The following TTC28 variants were observed in gnomAD, a reference collection of about 807,000 sequenced individuals.
TTC28 encodes tetratricopeptide repeat domain 28, also known as tetratricopeptide repeat protein 28.
TTC28 carries 61 observed loss-of-function variants against 198.0 expected under a neutral mutation model. The observed-to-expected ratio is 0.31, with a 90% CI of 0.25 to 0.38. The LOEUF (loss-of-function observed/expected upper bound fraction) is 0.38, where lower values mean the gene tolerates loss of function less well. Ranked by LOEUF, TTC28 falls within the 10% of genes least tolerant of loss-of-function variation. TTC28 has a pLI of 1.00. For missense variants in TTC28, 2,678 were observed against 3,164.0 expected (o/e 0.85, Z 3.69); for synonymous variants, 1,171 against 1,297.8 (o/e 0.90, Z 2.10).
intron 5 of TTC28, among the ~76,000 whole-genome samples, chr22:28,219,307 G>A (rs766264776): frequency 2.0e-5 from 3 of 152,096 alleles, no homozygotes; most frequent in East Asian, 1.9e-4. Context: ...TCAGGAGTTC[G>A]AGACCAGCCT....
chr22:28,528,467 T>C (rs966683662), intron 2 of TTC28, among the ~76,000 whole-genome samples: 2 of 151,888 alleles, frequency 1.3e-5, no homozygotes, highest in Non-Finnish European at 2.9e-5. Flanking sequence ...CAGTGGCTCA[T>C]GGCTATAATC....
At chr22:28,184,450 T>A (rs1381858599) in intron 5 of TTC28, among the ~76,000 whole-genome samples, 1 of 152,164 alleles carries the variant, frequency 6.6e-6, no homozygotes, top group Admixed American at 6.5e-5. Context: ...TGCAAGCGCA[T>A]AAATATTCCT....
intron 6 of TTC28, among the ~76,000 whole-genome samples, chr22:28,152,396 G>A (rs1242272575): frequency 6.6e-6 from 1 of 151,962 alleles, no homozygotes; most frequent in Non-Finnish European, 1.5e-5. Flanking sequence ...CCTAGCCCAG[G>A]TAATCCTAGC....
intron 2 of TTC28, among the ~76,000 whole-genome samples, chr22:28,329,277 A>C (rs1174929052): frequency 6.6e-6 from 1 of 152,246 alleles, no homozygotes. Context: ...AAGAAAAATA[A>C]GCATAGAAAC....
intron 2 of TTC28, among the ~76,000 whole-genome samples, chr22:28,314,475 T>C (rs534914185): frequency 1.3e-5 from 2 of 152,304 alleles, no homozygotes; most frequent in Admixed American, 1.3e-4. Context: ...ACTACAAGGC[T>C]ACAGTAACCA....
intron 5 of TTC28, among the ~76,000 whole-genome samples, chr22:28,287,103 T>A (rs1182307178): frequency 1.3e-5 from 2 of 152,158 alleles, no homozygotes; most frequent in Non-Finnish European, 2.9e-5. Context: ...AAAATTACAT[T>A]ATCAAGTATC....
chr22:28,428,772 G>A (rs1159782549), intron 2 of TTC28, among the ~76,000 whole-genome samples: 4 of 151,904 alleles, frequency 2.6e-5, no homozygotes, highest in Non-Finnish European at 2.9e-5. Flanking sequence ...CCGAGTAGCT[G>A]GGACTACAGG....
At chr22:28,667,220 T>C (rs1227611183) in intron 1 of TTC28, among the ~76,000 whole-genome samples, 1 of 32,448 alleles carries the variant, frequency 3.1e-5, no homozygotes, top group African/African-American at 1.4e-4. Context: ...ACTGGAAGCA[T>C]TCCCTTTGAA....
intron 12 of TTC28, among the ~76,000 whole-genome samples, chr22:28,068,549 C>T (rs777313292): frequency 2.6e-5 from 4 of 152,036 alleles, no homozygotes; most frequent in Admixed American, 2.6e-4. Flanking sequence ...GTTTATATTC[C>T]GAGGTCTCTA....
At chr22:28,581,331 C>T (rs2050230946) in intron 2 of TTC28, among the ~76,000 whole-genome samples, 1 of 152,194 alleles carries the variant, frequency 6.6e-6, no homozygotes, top group Non-Finnish European at 1.5e-5. Flanking sequence ...GAAGAACCAA[C>T]CTCTTTTCTT....
intron 1 of TTC28, among the ~76,000 whole-genome samples, chr22:28,635,047 C>A (rs1195591312): frequency 6.6e-6 from 1 of 152,116 alleles, no homozygotes; most frequent in Non-Finnish European, 1.5e-5. Context: ...AAGGGATGGG[C>A]ACGGTGGCTC....
intron 12 of TTC28, among the ~76,000 whole-genome samples, chr22:28,084,795 T>C (rs1272125445): frequency 6.6e-6 from 1 of 151,862 alleles, no homozygotes; most frequent in Non-Finnish European, 1.5e-5. Flanking sequence ...ACTAGAATAA[T>C]CAATGCAGAG....
intron 2 of TTC28, among the ~76,000 whole-genome samples, chr22:28,410,136 G>A (rs1267105848): frequency 1.3e-5 from 2 of 152,120 alleles, no homozygotes; most frequent in East Asian, 1.9e-4. Context: ...TGGCCAGACT[G>A]GTCTAAAACT....
intron 2 of TTC28, among the ~76,000 whole-genome samples, chr22:28,461,407 T>C (rs1373111492): frequency 6.6e-6 from 1 of 152,160 alleles, no homozygotes; most frequent in East Asian, 1.9e-4. Context: ...CCCTACCACA[T>C]ACAATATCAA....
chr22:28,392,840 C>T (rs1338624521), intron 2 of TTC28, among the ~76,000 whole-genome samples: 2 of 150,320 alleles, frequency 1.3e-5, no homozygotes, highest in Non-Finnish European at 1.5e-5. Flanking sequence ...ACCGGAGCTG[C>T]TCCTATTCGG....
At chr22:28,193,997 C>G (rs185374027) in intron 5 of TTC28, among the ~76,000 whole-genome samples, 25 of 152,278 alleles carry the variant, frequency 1.6e-4, no homozygotes, top group Admixed American at 1.5e-3. Flanking sequence ...CTTCTCAGCA[C>G]CACATCACAC....
At chr22:28,359,336 C>T (rs2046124350) in intron 2 of TTC28, among the ~76,000 whole-genome samples, 1 of 152,158 alleles carries the variant, frequency 6.6e-6, no homozygotes, top group Admixed American at 6.5e-5. Context: ...ATGTACCTCA[C>T]CCATTTACAC....
rs2045505230 is a variant in TTC28, at chr22:28,325,032, A to G, written c.382-18389T>C. On this transcript the variant is annotated intron_variant, in intron 2 of 22. Coordinates refer to ENST00000397906, the MANE Select transcript of TTC28 (RefSeq NM_001145418.2). Reference sequence around the variant, plus strand: ...GATTCCCTCTTTTTCTATCAATTGGAATCGTTTCACAAGGAATGGTACCAG... The same window carrying G: ...GATTCCCTCTTTTTCTATCAATTGGGATCGTTTCACAAGGAATGGTACCAG... Among the ~76,000 whole-genome samples, 4 of 150,876 alleles carry G rather than the reference A, an allele frequency of 2.7e-5. No homozygotes were observed. In the South Asian group the frequency reaches 8.5e-4, roughly 32 times the overall value.
chr22:28,259,393 C>A (rs1366538185), intron 5 of TTC28, among the ~76,000 whole-genome samples: 1 of 152,014 alleles, frequency 6.6e-6, no homozygotes, highest in African/African-American at 2.4e-5. Context: ...CTAAGTAAAA[C>A]AACAATTTGA....
Sources: allele counts gnomAD v4.1 joint callset (sites outside exome capture counted in the v4.1 genomes callset), GRCh38; gene constraint gnomAD v4.1.1; transcripts MANE v1.5; gene names NCBI Gene and HGNC (gene_info 2026-07-23, HGNC 2026-07-21).